CPPED1: variants seen among roughly 807,000 people sequenced by gnomAD.
The protein encoded by CPPED1 is serine/threonine-protein phosphatase CPPED1.
A neutral mutation model predicts 28.0 loss-of-function variants in CPPED1; 28 were observed. The ratio of observed to expected loss-of-function variants is 1.00; its 90% CI spans 0.74 to 1.37. CPPED1 has a LOEUF of 1.37. CPPED1 is among the 40% of genes most tolerant of loss of function. The probability of loss-of-function intolerance (pLI) is 0.00; values close to 1 mark genes in which losing one functional copy is unlikely to be tolerated. For missense variants in CPPED1, 504 were observed against 416.5 expected (o/e 1.21, Z -1.83); for synonymous variants, 198 against 180.2 (o/e 1.10, Z -0.79).
At chr16:12,730,410 T>C (rs111812740) in intron 2 of CPPED1, among the ~76,000 whole-genome samples, 190 of 152,262 alleles carry the variant, frequency 1.2e-3, no homozygotes, top group African/African-American at 4.3e-3. Context: ...AACCCACATC[T>C]TCCCGATGAC....
intron 2 of CPPED1, among the ~76,000 whole-genome samples, chr16:12,711,240 C>G (rs1307731268): frequency 6.6e-6 from 1 of 152,136 alleles, no homozygotes; most frequent in Non-Finnish European, 1.5e-5. Flanking sequence ...GCAGAAAAAA[C>G]AAATACTGTT....
Position 12,663,724 on chromosome 16 carries a change from A to C in CPPED1, c.*1162T>G, listed in dbSNP as rs2079809382. ...CAGCTTTGGAAATCATTTTAGGATT[A>C]CTGAGTGCTGTTTCATAATGCTGTA... On this transcript the variant is annotated 3_prime_UTR_variant, in exon 4 of 4. Transcript: ENST00000381774. The C allele has an allele frequency of 6.6e-6, 1 of 152,212 alleles. No individual in the cohort carries two copies. The highest frequency in any genetic ancestry group is 2.1e-4 in the South Asian group (1 of 4,830). 9.4% of individuals were successfully genotyped at this position (152,212 alleles called of 1,614,324 possible).
intron 2 of CPPED1, among the ~76,000 whole-genome samples, chr16:12,721,743 G>C (rs1467940217): frequency 2.1e-5 from 3 of 145,982 alleles, no homozygotes; most frequent in South Asian, 2.2e-4. Context: ...GACAGAGCAA[G>C]ATTCCGTCTT....
At chr16:12,732,645 G>A (rs145323002) in intron 2 of CPPED1, among the ~76,000 whole-genome samples, 127 of 152,260 alleles carry the variant, frequency 8.3e-4, no homozygotes, top group Middle Eastern at 3.4e-3. Flanking sequence ...AAGATCCTAT[G>A]TGTTTCTGGT....
At chr16:12,668,656 T>C (rs996042891) in intron 3 of CPPED1, among the ~76,000 whole-genome samples, 1 of 152,120 alleles carries the variant, frequency 6.6e-6, no homozygotes, top group Admixed American at 6.5e-5. Context: ...GACAACCCAA[T>C]TAACAAGCGG....
intron 1 of CPPED1, 48 bp downstream of exon 1, chr16:12,803,659 G>C (rs1432603500): frequency 1.4e-6 from 2 of 1,401,796 alleles, no homozygotes; most frequent in African/African-American, 1.5e-5. Flanking sequence ...CCCGGCGGAA[G>C]GTTCCGCAGC....
At chr16:12,702,802 C>T (rs1446834846) in intron 3 of CPPED1, among the ~76,000 whole-genome samples, 1 of 151,864 alleles carries the variant, frequency 6.6e-6, no homozygotes, top group Non-Finnish European at 1.5e-5. Flanking sequence ...GTTTCGAGAC[C>T]AGCCTGGCCA....
chr16:12,759,124 C>T (rs770209866), intron 2 of CPPED1, among the ~76,000 whole-genome samples: 4 of 138,276 alleles, frequency 2.9e-5, no homozygotes, highest in Non-Finnish European at 6.1e-5. Context: ...GATCACACCA[C>T]TGCACTCCAG....
chr16:12,711,198 C>T (rs2080078090), intron 2 of CPPED1, among the ~76,000 whole-genome samples: 1 of 152,064 alleles, frequency 6.6e-6, no homozygotes, highest in Admixed American at 6.6e-5. Flanking sequence ...ATGGATGAAC[C>T]TTTAGGATAT....
At chr16:12,756,473 C>A (rs983790952) in intron 2 of CPPED1, among the ~76,000 whole-genome samples, 2 of 152,042 alleles carry the variant, frequency 1.3e-5, no homozygotes, top group South Asian at 4.1e-4. Context: ...GGAGGGAGGA[C>A]CACTTGAGGT....
At chr16:12,771,215 T>C (rs1391999196) in intron 2 of CPPED1, among the ~76,000 whole-genome samples, 1 of 152,252 alleles carries the variant, frequency 6.6e-6, no homozygotes, top group South Asian at 2.1e-4. Flanking sequence ...GATTTCTGTC[T>C]GTTTCATTCA....
rs964846293 is a variant in CPPED1 at position 12,791,060 on chromosome 16, T to A, written c.71-9657A>T. On this transcript the variant is annotated intron_variant, in intron 1 of 3. Transcript: ENST00000381774. ...AAATCCATCATCTTTTTTTTTTTTT[T>A]AATTTTACTTTAAGTTCTGGGATAC... Among the ~76,000 whole-genome samples the A allele has an allele frequency of 2.7e-5, 4 of 150,628 alleles. No individual in the cohort carries two copies. The South Asian group carries it at 6.3e-4, about 24-fold the overall frequency.
intron 2 of CPPED1, among the ~76,000 whole-genome samples, chr16:12,725,150 GT>G (rs1364522553): frequency 6.6e-6 from 1 of 151,954 alleles, no homozygotes; most frequent in East Asian, 1.9e-4. Flanking sequence ...AGAGTGCAGT[GT>G]GGTGTGATCT....
rs1211432481 is a variant in CPPED1, at chr16:12,709,746, AG to A, written c.290-4698del. Among the ~76,000 whole-genome samples, 1 of 152,204 alleles carries A rather than the reference AG, an allele frequency of 6.6e-6. No homozygotes were observed. Among genetic ancestry groups the A allele is most frequent in the Non-Finnish European group, 1.5e-5 (1 of 68,034 alleles). ...TGTAAACAAGTATAGCTATGATCAT[AG>A]GTAATGGTGAAAGACTGACTGCCTT... On this transcript the variant is annotated intron_variant, in intron 2 of 3. Coordinates refer to ENST00000381774, the MANE Select transcript of CPPED1 (RefSeq NM_018340.3). This position sits in a 1 kb window ranked among gnomAD's most constrained non-coding sequence, Gnocchi z 4.4.
In CPPED1 at chr16:12,770,771, G is replaced by C. The variant is rs938358269; in HGVS notation, c.289+10414C>G. On this transcript the variant is annotated intron_variant, in intron 2 of 3. Coordinates refer to ENST00000381774, the MANE Select transcript of CPPED1 (RefSeq NM_018340.3). ...CGGGAGGCAGAGGTTGCAGTGAGCC[G>C]AGATCGCGCCATTGCACTCCAGCCT... 4.6e-5 allele frequency among the ~76,000 whole-genome samples: 7 copies of C among 151,912 alleles called. No homozygotes were observed. In the South Asian group the frequency reaches 1.2e-3, roughly 27 times the overall value.
At chr16:12,799,036 A>C (rs893368223) in intron 1 of CPPED1, among the ~76,000 whole-genome samples, 2 of 152,136 alleles carry the variant, frequency 1.3e-5, no homozygotes, top group Non-Finnish European at 2.9e-5. Flanking sequence ...ACTGTTACTC[A>C]CGTAAATCAC....
chr16:12,782,925 T>C (rs1331169829), intron 1 of CPPED1, among the ~76,000 whole-genome samples: 1 of 152,104 alleles, frequency 6.6e-6, no homozygotes, highest in African/African-American at 2.4e-5. Context: ...TAAATGGCAT[T>C]TCCTTTGGAA....
At chr16:12,689,804 T>G (rs886430651) in intron 3 of CPPED1, among the ~76,000 whole-genome samples, 1 of 152,194 alleles carries the variant, frequency 6.6e-6, no homozygotes, top group African/African-American at 2.4e-5. Flanking sequence ...TTATGAAGAT[T>G]GATAAAATCT....
chr16:12,778,726 G>A (rs1303069875), intron 2 of CPPED1, among the ~76,000 whole-genome samples: 2 of 152,234 alleles, frequency 1.3e-5, no homozygotes, highest in African/African-American at 2.4e-5. Flanking sequence ...AGCTAAATGA[G>A]AGGGAAACCA....
Sources: gnomAD v4.1 joint callset for allele counts (sites outside exome capture counted in the v4.1 genomes callset) on GRCh38, gnomAD v4.1.1 for gene constraint, Gnocchi (gnomAD v3.1) non-coding constraint, MANE v1.5 for transcripts, NCBI Gene and HGNC (gene_info 2026-07-23, HGNC 2026-07-21) for gene names.